DYNC2LI1: variants seen among roughly 807,000 people sequenced by gnomAD.
DYNC2LI1 encodes cytoplasmic dynein 2 light intermediate chain 1.
Under a neutral mutation model 51.9 loss-of-function variants are expected in DYNC2LI1, and 45 were observed. The ratio of observed to expected loss-of-function variants is 0.87; its 90% CI spans 0.68 to 1.11. The LOEUF (loss-of-function observed/expected upper bound fraction) is 1.11. DYNC2LI1 is among the 50% of genes most tolerant of loss of function. The pLI is 0.00. For missense variants in DYNC2LI1, 490 were observed against 417.4 expected (o/e 1.17, Z -1.51); for synonymous variants, 130 against 137.8 (o/e 0.94, Z 0.40).
At chr2:43,796,081 A>G (rs1445919642) in intron 7 of DYNC2LI1, 123 bp downstream of exon 7, 1 of 719,692 alleles carries the variant, frequency 1.4e-6, no homozygotes, top group Non-Finnish European at 2.3e-6. Context: ...TAAGTCATGC[A>G]TCTTAAAGAT....
chr2:43,823,854 G>A, the DYNC2LI1 span: 1 of 1,578,616 alleles, frequency 6.3e-7, no homozygotes, highest in Non-Finnish European at 8.7e-7. Context: ...TAAGGTTACA[G>A]CTGGAGAAGG....
intron 3 of DYNC2LI1, among the ~76,000 whole-genome samples, chr2:43,784,630 C>T (rs1390363683): frequency 6.6e-6 from 1 of 152,046 alleles, no homozygotes; most frequent in Admixed American, 6.6e-5. Flanking sequence ...GACAGGGTTT[C>T]TCCATGTTGG....
intron 8 of DYNC2LI1, among the ~76,000 whole-genome samples, chr2:43,798,018 T>C (rs1016531748): frequency 6.6e-6 from 1 of 152,188 alleles, no homozygotes; most frequent in East Asian, 1.9e-4. Context: ...TCTCAGCTAC[T>C]TGGGAGGCTG....
chr2:43,775,802 C>G (rs1055666080), intron 1 of DYNC2LI1: 1 of 289,592 alleles, frequency 3.5e-6, no homozygotes, highest in Non-Finnish European at 6.7e-6. Flanking sequence ...ATTCTCATGC[C>G]TCAGCCTCCT....
At chr2:43,810,658 C>A, downstream of DYNC2LI1, 1 of 338,802 alleles carries the variant, frequency 3.0e-6, no homozygotes, top group Non-Finnish European at 4.2e-6. Flanking sequence ...AGATAGCAAG[C>A]CATCTGCTTA....
intron 1 of DYNC2LI1, 108 bp downstream of exon 1, chr2:43,774,254 C>T (rs1672908711): frequency 6.9e-7 from 1 of 1,457,982 alleles, no homozygotes; most frequent in Admixed American, 1.9e-5. Flanking sequence ...GGCTACTTGC[C>T]ACCAGGATAT....
the DYNC2LI1 span, among the ~76,000 whole-genome samples, chr2:43,823,325 G>C: frequency 8.5e-6 from 1 of 117,846 alleles, no homozygotes; most frequent in African/African-American, 3.4e-5. Flanking sequence ...ACTTGCTCTC[G>C]GAAGGCCAGG....
At chr2:43,793,685 C>T (rs1259285371) in intron 5 of DYNC2LI1, 1 of 151,606 alleles carries the variant, frequency 6.6e-6, no homozygotes, top group African/African-American at 2.4e-5. Context: ...AAGTGATCCT[C>T]CTGCCTCAGC....
chr2:43,802,165 A>T (rs141073068), intron 10 of DYNC2LI1, among the ~76,000 whole-genome samples: 1 of 152,286 alleles, frequency 6.6e-6, no homozygotes, highest in East Asian at 1.9e-4. Flanking sequence ...ATTTTTTGTT[A>T]TGAAATAGCA....
chr2:43,776,284 T>C (rs1375239671), intron 1 of DYNC2LI1, among the ~76,000 whole-genome samples: 1 of 152,166 alleles, frequency 6.6e-6, no homozygotes, highest in Admixed American at 6.5e-5. Flanking sequence ...TGCCTCAGCC[T>C]CCCATATACT....
At chr2:43,785,261 T>C (rs10206087) in intron 3 of DYNC2LI1, among the ~76,000 whole-genome samples, 14,481 of 152,206 alleles carry the variant, frequency 0.095, 859 homozygotes, top group Admixed American at 0.2. Flanking sequence ...ATCGCGCCAC[T>C]GCATTCTAGC....
intron 8 of DYNC2LI1, among the ~76,000 whole-genome samples, chr2:43,798,373 T>A (rs750841146): frequency 6.6e-5 from 10 of 152,232 alleles, no homozygotes; most frequent in Non-Finnish European, 1.0e-4. Flanking sequence ...CGTATTAGGT[T>A]GACACAGTAC....
chr2:43,796,333 CAAA>C (rs367924644), intron 7 of DYNC2LI1, among the ~76,000 whole-genome samples: 7 of 106,464 alleles, frequency 6.6e-5, no homozygotes, highest in Admixed American at 9.5e-5. Flanking sequence ...ACACTTGTCT[CAAA>C]AAAAAAAAAA....
At chr2:43,808,705 C>T (rs1558704465) in intron 12 of DYNC2LI1, among the ~76,000 whole-genome samples, 1 of 152,108 alleles carries the variant, frequency 6.6e-6, no homozygotes, top group African/African-American at 2.4e-5. Flanking sequence ...ATGGAAGTAT[C>T]CTGCCCTCTC....
chr2:43,800,023 C>T (rs1310163721), intron 8 of DYNC2LI1, among the ~76,000 whole-genome samples: 1 of 152,194 alleles, frequency 6.6e-6, no homozygotes, highest in African/African-American at 2.4e-5. Flanking sequence ...AACCATAACG[C>T]TGATACCTTT....
downstream of DYNC2LI1, among the ~76,000 whole-genome samples, chr2:43,812,042 A>G (rs533395151): frequency 6.6e-6 from 1 of 151,760 alleles, no homozygotes; most frequent in Admixed American, 6.6e-5. Flanking sequence ...ATATGTCAGC[A>G]CTTTTTTTCT....
the DYNC2LI1 span, chr2:43,822,691 A>C: frequency 1.9e-6 from 3 of 1,580,010 alleles, no homozygotes; most frequent in Non-Finnish European, 2.6e-6. Context: ...CAAAGTGTAG[A>C]TCCTCCAGAG....
chr2:43,827,998 G>A, the DYNC2LI1 span: 1 of 1,614,096 alleles, frequency 6.2e-7, no homozygotes, highest in Non-Finnish European at 8.5e-7. Flanking sequence ...TCCTGGAGCA[G>A]CTGGGCTGCG....
chr2:43,825,955 C>G, the DYNC2LI1 span, among the ~76,000 whole-genome samples: 1 of 151,262 alleles, frequency 6.6e-6, no homozygotes, highest in Admixed American at 6.6e-5. Flanking sequence ...GCTGTTGGCT[C>G]CAATTCTCTA....
Sources: gnomAD v4.1 joint callset for allele counts (sites outside exome capture counted in the v4.1 genomes callset) on GRCh38, gnomAD v4.1.1 for gene constraint, MANE v1.5 for transcripts, NCBI Gene and HGNC (gene_info 2026-07-23, HGNC 2026-07-21) for gene names.